Variants in CAB39L observed in about 807,000 individuals in gnomAD.
The protein encoded by CAB39L is calcium-binding protein 39-like.
CAB39L carries 23 observed loss-of-function variants against 39.1 expected under a neutral mutation model. The observed-to-expected ratio is 0.59, with a 90% CI of 0.42 to 0.83. The LOEUF (loss-of-function observed/expected upper bound fraction) is 0.83, where lower values mean the gene tolerates loss of function less well. Ranked by LOEUF, CAB39L falls within the 40% of genes least tolerant of loss-of-function variation. CAB39L has a pLI of 0.00. For missense variants in CAB39L, 366 were observed against 391.9 expected (o/e 0.93, Z 0.56); for synonymous variants, 126 against 137.2 (o/e 0.92, Z 0.57).
intron 3 of CAB39L, chr13:49,420,355 A>G (rs561178310): frequency 6.6e-6 from 1 of 152,344 alleles, no homozygotes; most frequent in Middle Eastern, 3.4e-3. Context: ...TATGTTCCCA[A>G]ATCTACTCCT....
chr13:49,391,554 C>A (rs1312876953), intron 3 of CAB39L, among the ~76,000 whole-genome samples: 1 of 152,018 alleles, frequency 6.6e-6, no homozygotes, highest in Non-Finnish European at 1.5e-5. Context: ...CTTTTATAGA[C>A]TTTGTTCAAG....
intron 1 of CAB39L, 35 bp from the exon 2 acceptor site, chr13:49,434,258 G>A (rs1002108190): frequency 1.4e-5 from 6 of 432,496 alleles, no homozygotes; most frequent in Non-Finnish European, 1.8e-5. Context: ...ACAGGCTTTG[G>A]AGTCACATCA....
intron 9 of CAB39L, among the ~76,000 whole-genome samples, chr13:49,334,856 G>A (rs889792498): frequency 6.6e-6 from 1 of 152,096 alleles, no homozygotes; most frequent in Non-Finnish European, 1.5e-5. Flanking sequence ...CCTGTCCACT[G>A]GGGGAGGACC....
chr13:49,336,726 C>T (rs1182094409), intron 9 of CAB39L, among the ~76,000 whole-genome samples: 1 of 152,178 alleles, frequency 6.6e-6, no homozygotes, highest in Non-Finnish European at 1.5e-5. Context: ...CTTCCAGGGC[C>T]ACTACTCGTT....
At chr13:49,433,252 T>C in intron 3 of CAB39L, 66 bp downstream of exon 3, 1 of 376,960 alleles carries the variant, frequency 2.7e-6, no homozygotes, top group Non-Finnish European at 5.1e-6. Flanking sequence ...TTTTGGTATG[T>C]TGAGCATAGT....
In CAB39L at chr13:49,441,226, T is replaced by TATATATATTATATATATATATATATATA. The variant is rs1555268267; in HGVS notation, c.-246+2759_-246+2760insTATATATATATATATATATAATATATAT. Among the ~76,000 whole-genome samples, 6 of 112,798 alleles carry TATATATATTATATATATATATATATATA rather than the reference T, an allele frequency of 5.3e-5. No homozygotes were observed. In the South Asian group the frequency reaches 9.0e-4, roughly 17 times the overall value. The allele number at this position is 112,798 out of a possible 152,430, so 74.0% of individuals were successfully genotyped here. ...TTTTCTTATAATGATTTAGTGTATA[T>TATATATATTATATATATATATATATATA]ATATATATATATATATATTCCCTTT... On this transcript the variant is annotated intron_variant, in intron 1 of 10. Transcript: ENST00000409308.
intron 4 of CAB39L, among the ~76,000 whole-genome samples, chr13:49,379,968 A>G (rs1227365837): frequency 6.6e-6 from 1 of 150,760 alleles, no homozygotes; most frequent in Non-Finnish European, 1.5e-5. Context: ...CAGCCTCCCA[A>G]GTAGCGGGGA....
chr13:49,313,990 G>A (rs1188064560), intron 10 of CAB39L, among the ~76,000 whole-genome samples: 1 of 152,204 alleles, frequency 6.6e-6, no homozygotes. Context: ...CATCCCAGGA[G>A]GTGGCGATGA....
chr13:49,341,070 A>G (rs1464826826), intron 8 of CAB39L, among the ~76,000 whole-genome samples: 4 of 152,220 alleles, frequency 2.6e-5, no homozygotes, highest in Non-Finnish European at 5.9e-5. Context: ...AGGAAAAAAT[A>G]GTAATTAGTT....
chr13:49,405,246 A>G (rs926074190), intron 3 of CAB39L, among the ~76,000 whole-genome samples: 2 of 152,222 alleles, frequency 1.3e-5, no homozygotes, highest in African/African-American at 4.8e-5. Context: ...CTCAGTGGAA[A>G]CATCACAGGC....
At chr13:49,358,089 G>A (rs1955534666) in intron 6 of CAB39L, among the ~76,000 whole-genome samples, 1 of 152,158 alleles carries the variant, frequency 6.6e-6, no homozygotes, top group South Asian at 2.1e-4. Flanking sequence ...TATTACATGA[G>A]AAATATACTT....
chr13:49,397,268 C>A (rs1329334292), intron 3 of CAB39L, among the ~76,000 whole-genome samples: 2 of 152,020 alleles, frequency 1.3e-5, no homozygotes, highest in Non-Finnish European at 2.9e-5. Context: ...CACTGACAAT[C>A]CCTTTTTCAG....
chr13:49,337,946 G>A (rs903855730), intron 9 of CAB39L, among the ~76,000 whole-genome samples: 1 of 152,160 alleles, frequency 6.6e-6, no homozygotes, highest in African/African-American at 2.4e-5. Flanking sequence ...TCTGGAGAAT[G>A]AGCACATAAA....
intron 3 of CAB39L, among the ~76,000 whole-genome samples, chr13:49,396,131 T>C (rs1956619357): frequency 6.9e-6 from 1 of 144,180 alleles, no homozygotes; most frequent in Admixed American, 6.9e-5. Flanking sequence ...ACATTTTGAA[T>C]GTCAAAGTTT....
chr13:49,421,453 C>A (rs1226829358), intron 3 of CAB39L, among the ~76,000 whole-genome samples: 2 of 152,172 alleles, frequency 1.3e-5, no homozygotes, highest in East Asian at 3.9e-4. Context: ...CCCCCTTGAG[C>A]ATGATCTAAT....
At chr13:49,439,959 C>G (rs184815704) in intron 1 of CAB39L, among the ~76,000 whole-genome samples, 1 of 91,380 alleles carries the variant, frequency 1.1e-5, no homozygotes, top group Non-Finnish European at 2.0e-5. Flanking sequence ...GAATTAACTT[C>G]CTTATAGATT....
intron 9 of CAB39L, among the ~76,000 whole-genome samples, chr13:49,336,499 G>A (rs1489623886): frequency 1.3e-5 from 2 of 152,162 alleles, no homozygotes; most frequent in Non-Finnish European, 2.9e-5. Flanking sequence ...TCGTGAATAG[G>A]CTAAGGCATC....
At chr13:49,371,605 T>A (rs2138545381) in intron 5 of CAB39L, among the ~76,000 whole-genome samples, 1 of 152,230 alleles carries the variant, frequency 6.6e-6, no homozygotes, top group South Asian at 2.1e-4. Context: ...TTGCTATTTT[T>A]TTTTCTTTTG....
intron 1 of CAB39L, among the ~76,000 whole-genome samples, chr13:49,441,221 G>GTATATATATATATATTA (rs1957513038): frequency 8.2e-6 from 1 of 121,462 alleles, no homozygotes; most frequent in Admixed American, 8.8e-5. Context: ...ATGATTTAGT[G>GTATATATATATATATTA]TATATATATA....
Sources: gnomAD v4.1 joint callset for allele counts (sites outside exome capture counted in the v4.1 genomes callset) on GRCh38, gnomAD v4.1.1 for gene constraint, MANE v1.5 for transcripts, NCBI Gene and HGNC (gene_info 2026-07-23, HGNC 2026-07-21) for gene names.